Variants in PTH observed in about 807,000 individuals in gnomAD.
PTH encodes parathyroid hormone, also known as parathormone.
PTH carries 7 observed loss-of-function variants against 7.4 expected under a neutral mutation model. The ratio of observed to expected loss-of-function variants is 0.94; its 90% CI spans 0.53 to 1.77. The LOEUF (loss-of-function observed/expected upper bound fraction) is 1.77, where lower values mean the gene tolerates loss of function less well. Ranked by LOEUF, PTH falls within the 40% of genes most tolerant of loss-of-function variation. The pLI is 0.00. For missense variants in PTH, 128 were observed against 137.1 expected, an observed-to-expected ratio of 0.93 and a Z score of 0.33; for synonymous variants, 51 against 46.6, an observed-to-expected ratio of 1.09 and a Z score of -0.39.
In PTH at chr11:13,495,883, T is replaced by G. The variant is rs370475117; in HGVS notation, c.-6+28A>C. ...CTTGATTATCAAAATCTCATGAGAT[T>G]CAGAAGTGAATTTTTAAGTTTACTT... On this transcript the variant is annotated intron_variant, in intron 1 of 2. Coordinates refer to ENST00000282091, the MANE Select transcript of PTH (RefSeq NM_000315.4). The G allele has an allele frequency of 9.2e-5, 14 of 152,294 alleles. No homozygotes were observed. The South Asian group carries it at 2.7e-3, about 29-fold the overall frequency. 9.4% of individuals were successfully genotyped at this position (152,294 alleles called of 1,614,324 possible).
chr11:13,492,477 C>G lies in PTH; in HGVS notation c.276G>C (p.Glu92Asp), dbSNP rs76760723. ...CCTCTCCAAGACTTTTTTCATGGCT[C>G]TCAACCAAGACATTGTCTTCCTTTT... ...PRKKEDNVLV[E>D]SHEKSLGEAD... Residue 92 changes from glutamate to aspartate, a missense_variant, in exon 3 of 3, where the codon GAG (glutamate) becomes GAC (aspartate). Physicochemically the swap from Glu to Asp is conservative, Grantham distance 45. Coordinates refer to ENST00000282091, the MANE Select transcript of PTH (RefSeq NM_000315.4). 2 of 1,614,114 alleles carry G rather than the reference C, an allele frequency of 1.2e-6. No homozygotes were observed. The highest frequency in any genetic ancestry group is 1.7e-6 in the Non-Finnish European group (2 of 1,180,016).
intron 1 of PTH, 111 bp from the exon 2 acceptor site, chr11:13,492,971 G>T: frequency 2.2e-6 from 2 of 927,918 alleles, no homozygotes; most frequent in Middle Eastern, 3.2e-4. Flanking sequence ...GAAGCTTTTG[G>T]AATCAACCTC....
In PTH at chr11:13,492,609, C is replaced by T. The variant is rs376145884; in HGVS notation, c.144G>A (p.Ser48=). 27 of 1,614,006 alleles carry T rather than the reference C, an allele frequency of 1.7e-5. No homozygotes were observed. Among genetic ancestry groups the T allele is most frequent in the East Asian group, 6.7e-5 (3 of 44,894 alleles). Residue 48 remains serine, a synonymous_variant, in exon 3 of 3, where the codon TCG becomes TCA. Transcript: ENST00000282091. ...TACGCAGCCATTCTACTCTCTCCAT[C>T]GAGTTCAGATGTTTTCCCAGGTTAT... ...LMHNLGKHLN[S]MERVEWLRKK...
Position 13,494,636 on chromosome 11 carries a change from G to C in PTH, c.-6+1275C>G, listed in dbSNP as rs1847517812. 2.6e-5 allele frequency among the ~76,000 whole-genome samples: 4 copies of C among 152,090 alleles called. No homozygotes were observed. In the South Asian group the frequency reaches 8.3e-4, roughly 32 times the overall value. ...TACTTCTGACCTATCTTTATACTCA[G>C]ATCTCACCTCATCTCAAGTTTTATG... is the stretch of plus-strand genomic sequence containing the variant. On this transcript the variant is annotated intron_variant, in intron 1 of 2. Transcript: ENST00000282091.
At chr11:13,493,361 T>A (rs1008596291) in intron 1 of PTH, among the ~76,000 whole-genome samples, 1 of 152,202 alleles carries the variant, frequency 6.6e-6, no homozygotes, top group African/African-American at 2.4e-5. Flanking sequence ...CCTGCCTTTT[T>A]AAAATTGCTT....
chr11:13,493,905 A>C (rs1279554979), intron 1 of PTH, among the ~76,000 whole-genome samples: 1 of 152,188 alleles, frequency 6.6e-6, no homozygotes, highest in East Asian at 1.9e-4. Context: ...GAAGTAGATA[A>C]AGTCTATCCT....
chr11:13,496,033 T>C (rs1179133771), upstream of PTH: 2 of 152,104 alleles, frequency 1.3e-5, no homozygotes, highest in Non-Finnish European at 2.9e-5. Flanking sequence ...ATATAGGTCT[T>C]CTGCTTACCA....
chr11:13,496,148 C>T (rs779608598), upstream of PTH: 1 of 152,114 alleles, frequency 6.6e-6, no homozygotes, highest in Non-Finnish European at 1.5e-5. Context: ...GGTGCACACT[C>T]TTCTTAAGTT....
chr11:13,494,523 C>T (rs533363489), intron 1 of PTH, among the ~76,000 whole-genome samples: 15 of 152,292 alleles, frequency 9.8e-5, no homozygotes, highest in African/African-American at 3.6e-4. Flanking sequence ...AATGCCACAT[C>T]TTCCCTCAAA....
rs369469373 is a variant in PTH, at chr11:13,492,354, T to C, written c.*51A>G. 842 of 1,599,132 alleles carry C rather than the reference T, an allele frequency of 5.3e-4. 6 individuals carry two copies. The highest frequency in any genetic ancestry group is 1.4e-3 in the Admixed American group (83 of 59,878). On this transcript the variant is annotated 3_prime_UTR_variant, in exon 3 of 3. Coordinates refer to ENST00000282091, the MANE Select transcript of PTH (RefSeq NM_000315.4). ...AGAGCTTTGAATTAGCAGCATGTATTGTTGCCCTACACTGTCTAGAGCAGA... is the reference window on the plus strand; with the variant it reads ...AGAGCTTTGAATTAGCAGCATGTATCGTTGCCCTACACTGTCTAGAGCAGA...
chr11:13,493,154 C>A (rs1488501010), intron 1 of PTH, among the ~76,000 whole-genome samples: 1 of 151,006 alleles, frequency 6.6e-6, no homozygotes, highest in Admixed American at 6.6e-5. Flanking sequence ...TTTTCTAAAT[C>A]TATTTGTACA....
chr11:13,492,413 A>C lies in PTH; in HGVS notation c.340T>G (p.Ser114Ala). The C allele has an allele frequency of 6.2e-7, 1 of 1,612,770 alleles. No homozygotes were observed. The highest frequency in any genetic ancestry group is 8.5e-7 in the Non-Finnish European group (1 of 1,179,994). ...AATATCTGTTTTCATTTTCACTGGG[A>C]TTTAGCTTTAGTTAATACATTCACA... ...ADVNVLTKAK[S>A]Q Residue 114 changes from serine to alanine, a missense_variant, in exon 3 of 3, where the codon TCC becomes GCC. Coordinates refer to ENST00000282091, the MANE Select transcript of PTH (RefSeq NM_000315.4).
chr11:13,495,130 T>G (rs2134094627), intron 1 of PTH, among the ~76,000 whole-genome samples: 1 of 152,362 alleles, frequency 6.6e-6, no homozygotes, highest in Non-Finnish European at 1.5e-5. Context: ...ATGGAATGCT[T>G]GTTTGTAGCT....
Position 13,492,576 on chromosome 11 carries a change from C to T in PTH, c.177G>A (p.Leu59=), listed in dbSNP as rs374608791. The change falls in exon 3 of 3, where the codon CTG becomes CTA. Residue 59 remains leucine, a synonymous_variant. Transcript: ENST00000282091. ...MERVEWLRKK[L]QDVHNFVALG... ...GGGCAACAAAATTGTGCACATCCTG[C>T]AGCTTCTTACGCAGCCATTCTACTC... 37 of 1,614,062 alleles carry T rather than the reference C, an allele frequency of 2.3e-5. No homozygotes were observed. The highest frequency in any genetic ancestry group is 4.0e-5 in the African/African-American group (3 of 74,930).
intron 1 of PTH, among the ~76,000 whole-genome samples, chr11:13,493,399 T>A (rs1847502175): frequency 6.6e-6 from 1 of 152,124 alleles, no homozygotes; most frequent in Admixed American, 6.5e-5. Context: ...TCATGCAAAA[T>A]AAACACTGTA....
In PTH at chr11:13,492,979, C is replaced by T. The variant is rs977892424; in HGVS notation, c.-5-119G>A. On this transcript the variant is annotated intron_variant, in intron 1 of 2. Transcript: ENST00000282091. ...TTCACGAGAAGCTTTTGGAATCAAC[C>T]TCTTTATTTTATGGATACATTAGTA... 6 of 904,844 alleles carry T rather than the reference C, an allele frequency of 6.6e-6. No individual in the cohort carries two copies. The African/African-American group carries it at 8.4e-5, about 13-fold the overall frequency. 56.1% of individuals were successfully genotyped at this position (904,844 alleles called of 1,614,324 possible).
At chr11:13,493,952 A>G (rs899757779) in intron 1 of PTH, among the ~76,000 whole-genome samples, 17 of 152,148 alleles carry the variant, frequency 1.1e-4, no homozygotes, top group African/African-American at 3.9e-4. Flanking sequence ...ACCTAATTAA[A>G]TATTTCCTTG....
At position 13,492,161 on chromosome 11, in the gene PTH, A is replaced by G; in HGVS notation, c.*244T>C. On this transcript the variant is annotated 3_prime_UTR_variant, in exon 3 of 3. Transcript: ENST00000282091. ...GTGCAATTTTATTCTTTTATAAATT[A>G]TGCAATAACATACTTTAAAAAGAAT... The G allele has an allele frequency of 2.2e-6, 1 of 462,492 alleles. No homozygotes were observed. The highest frequency in any genetic ancestry group is 3.7e-6 in the Non-Finnish European group (1 of 267,326). 28.6% of individuals were successfully genotyped at this position (462,492 alleles called of 1,614,324 possible).
rs1452502191 is a variant in PTH at position 13,492,553 on chromosome 11, G to C, written c.200C>G (p.Ala67Gly). ...KKLQDVHNFV[A>G]LGAPLAPRDA... is the part of the protein sequence containing the mutation. Reference sequence around the variant, plus strand: ...TCTGGGAGCTAGAGGAGCTCCAAGGGCAACAAAATTGTGCACATCCTGCAG... The same window carrying C: ...TCTGGGAGCTAGAGGAGCTCCAAGGCCAACAAAATTGTGCACATCCTGCAG... The change falls in exon 3 of 3, where the codon GCC becomes GGC. Residue 67 changes from alanine (A) to glycine (G), a missense_variant. By Grantham distance (60) the Ala-to-Gly change is moderately conservative. Coordinates refer to ENST00000282091, the MANE Select transcript of PTH (RefSeq NM_000315.4). The C allele has an allele frequency of 1.2e-6, 2 of 1,613,944 alleles. No homozygotes were observed. Among genetic ancestry groups the C allele is most frequent in the Non-Finnish European group, 1.7e-6 (2 of 1,180,024 alleles).
Sources: gnomAD v4.1 joint callset for allele counts (sites outside exome capture counted in the v4.1 genomes callset) on GRCh38, gnomAD v4.1.1 for gene constraint, MANE v1.5 for transcripts, NCBI Gene and HGNC (gene_info 2026-07-23, HGNC 2026-07-21) for gene names.